ATG7: variants seen among roughly 807,000 people sequenced by gnomAD.
ATG7 encodes autophagy related 7, also known as ubiquitin-like modifier-activating enzyme ATG7.
Under a neutral mutation model 82.4 loss-of-function variants are expected in ATG7, and 70 were observed. That is an observed-to-expected ratio of 0.85 (90% CI 0.70 to 1.04). The LOEUF is 1.04. ATG7 is among the 50% of genes least tolerant of loss of function. The pLI, the probability that ATG7 is intolerant of heterozygous loss-of-function variation, is 0.00. For synonymous variants in ATG7, 287 were observed against 313.0 expected (o/e 0.92, Z 0.88); for missense variants, 792 against 864.3 (o/e 0.92, Z 1.05).
the ATG7 span, among the ~76,000 whole-genome samples, chr3:11,574,912 G>A: frequency 5.9e-5 from 9 of 151,404 alleles, no homozygotes; most frequent in East Asian, 2.0e-4. Context: ...CATCTTATGC[G>A]CCTACATACA....
intron 20 of ATG7, among the ~76,000 whole-genome samples, chr3:11,532,309 C>T (rs1268766165): frequency 6.6e-6 from 1 of 152,164 alleles, no homozygotes; most frequent in Non-Finnish European, 1.5e-5. Flanking sequence ...CTGCAAGGGA[C>T]AAACCGGAAG....
chr3:11,385,734 G>T (rs1208792722), intron 19 of ATG7, among the ~76,000 whole-genome samples: 1 of 152,166 alleles, frequency 6.6e-6, no homozygotes, highest in Non-Finnish European at 1.5e-5. Context: ...GGAGTTTCTA[G>T]AAACACCTAG....
chr3:11,497,402 C>A (rs563191870), intron 20 of ATG7, among the ~76,000 whole-genome samples: 5 of 81,050 alleles, frequency 6.2e-5, no homozygotes, highest in Non-Finnish European at 1.2e-4. Flanking sequence ...TTTAGCCAGG[C>A]ATGGTGGTGG....
intron 20 of ATG7, among the ~76,000 whole-genome samples, chr3:11,491,370 C>T (rs1260964711): frequency 2.0e-5 from 3 of 152,092 alleles, no homozygotes; most frequent in Non-Finnish European, 2.9e-5. Flanking sequence ...GTTATACATT[C>T]GTCTAAATTT....
rs184803217 is a variant in ATG7, at chr3:11,390,490, G to A, written c.1956+10438G>A. Among the ~76,000 whole-genome samples the A allele has an allele frequency of 4.5e-3, 690 of 152,298 alleles. 4 individuals carry two copies. The highest frequency in any genetic ancestry group is 0.016 in the African/African-American group (657 of 41,564). On this transcript the variant is annotated intron_variant, in intron 19 of 20. Transcript: ENST00000693202. Reference sequence around the variant, plus strand: ...GACCTATGTCATCCTATCCCACTCAGCAGAAGGACTGCAGTCCCAACAAAT... The same window carrying A: ...GACCTATGTCATCCTATCCCACTCAACAGAAGGACTGCAGTCCCAACAAAT...
At chr3:11,365,766 G>A (rs1179900973) in intron 18 of ATG7, among the ~76,000 whole-genome samples, 2 of 152,150 alleles carry the variant, frequency 1.3e-5, no homozygotes, top group African/African-American at 4.8e-5. Flanking sequence ...CTTCTTCATG[G>A]TCACAGAGAC....
chr3:11,364,326 C>T (rs1008833944), intron 17 of ATG7, among the ~76,000 whole-genome samples: 5 of 152,122 alleles, frequency 3.3e-5, no homozygotes, highest in African/African-American at 9.7e-5. Context: ...TCTGATATGC[C>T]GAACATTGCA....
At chr3:11,446,476 C>T (rs535498261) in intron 20 of ATG7, 8 of 433,624 alleles carry the variant, frequency 1.8e-5, no homozygotes, top group African/African-American at 1.6e-4. Context: ...CGTCATCATT[C>T]AAAATACTTT....
At chr3:11,317,526 G>A (rs1949595220) in intron 9 of ATG7, among the ~76,000 whole-genome samples, 1 of 150,868 alleles carries the variant, frequency 6.6e-6, no homozygotes, top group Non-Finnish European at 1.5e-5. Context: ...TTCTGTTTGA[G>A]ACTCAAAGTC....
chr3:11,429,205 C>G (rs879370784), intron 20 of ATG7, among the ~76,000 whole-genome samples: 1 of 152,094 alleles, frequency 6.6e-6, no homozygotes, highest in African/African-American at 2.4e-5. Context: ...TTAAAAACCA[C>G]AAGTTTTAGG....
chr3:11,411,085 C>T (rs1358615424), intron 19 of ATG7, among the ~76,000 whole-genome samples: 1 of 152,112 alleles, frequency 6.6e-6, no homozygotes, highest in Non-Finnish European at 1.5e-5. Flanking sequence ...TTTTTATCGT[C>T]ACATGCTCAT....
At chr3:11,430,979 G>A (rs1238412315) in intron 20 of ATG7, among the ~76,000 whole-genome samples, 3 of 152,334 alleles carry the variant, frequency 2.0e-5, no homozygotes, top group East Asian at 1.9e-4. Flanking sequence ...AAAGGTCTCC[G>A]AGGCCAAGTC....
chr3:11,339,969 CTG>C (rs1953254596), intron 11 of ATG7, among the ~76,000 whole-genome samples: 1 of 152,172 alleles, frequency 6.6e-6, no homozygotes, highest in Admixed American at 6.5e-5. Context: ...TCCTTATCCT[CTG>C]AGATTATTGA....
chr3:11,482,789 G>A (rs2089165376), intron 20 of ATG7, among the ~76,000 whole-genome samples: 1 of 149,406 alleles, frequency 6.7e-6, no homozygotes, highest in Non-Finnish European at 1.5e-5. Context: ...TATCATTTTT[G>A]TACCTTTTTT....
intron 20 of ATG7, among the ~76,000 whole-genome samples, chr3:11,439,418 G>C (rs1034710885): frequency 6.6e-6 from 1 of 152,188 alleles, no homozygotes; most frequent in Non-Finnish European, 1.5e-5. Context: ...GGGGAGCAGG[G>C]AGGGAAGGGA....
chr3:11,286,204 A>G (rs536621138), intron 3 of ATG7, among the ~76,000 whole-genome samples: 2 of 152,330 alleles, frequency 1.3e-5, no homozygotes, highest in South Asian at 2.1e-4. Context: ...TTAAAATGCT[A>G]TATTAATGAC....
chr3:11,538,163 C>T (rs1384397530), intron 20 of ATG7, among the ~76,000 whole-genome samples: 1 of 152,164 alleles, frequency 6.6e-6, no homozygotes, highest in Non-Finnish European at 1.5e-5. Flanking sequence ...GGCAAGTGGT[C>T]AGAGAGAGCA....
chr3:11,538,285 C>T (rs968382671), intron 20 of ATG7, among the ~76,000 whole-genome samples: 1 of 152,170 alleles, frequency 6.6e-6, no homozygotes, highest in Non-Finnish European at 1.5e-5. Flanking sequence ...CTGAGGCCAG[C>T]ACAGACTCTA....
intron 19 of ATG7, among the ~76,000 whole-genome samples, chr3:11,385,888 G>C (rs1441247345): frequency 6.6e-6 from 1 of 152,212 alleles, no homozygotes; most frequent in Non-Finnish European, 1.5e-5. Flanking sequence ...TCGTCCTCTT[G>C]TCTTTGTGAG....
Sources: allele counts gnomAD v4.1 joint callset (sites outside exome capture counted in the v4.1 genomes callset), GRCh38; gene constraint gnomAD v4.1.1; transcripts MANE v1.5; gene names NCBI Gene and HGNC (gene_info 2026-07-23, HGNC 2026-07-21).